ACTN4: variants seen among roughly 807,000 people sequenced by gnomAD.
The protein encoded by ACTN4 is alpha-actinin-4.
Under a neutral mutation model 114.2 loss-of-function variants are expected in ACTN4, and 18 were observed. The observed-to-expected ratio is 0.16, with a 90% CI of 0.11 to 0.23. The LOEUF (loss-of-function observed/expected upper bound fraction) is 0.23, where lower values mean the gene tolerates loss of function less well. Among genes scored for constraint, ACTN4 ranks in the 10% least tolerant of loss-of-function variants. ACTN4 has a pLI of 1.00. For missense variants in ACTN4, 722 were observed against 1,262.9 expected, an observed-to-expected ratio of 0.57 and a Z score of 6.49; for synonymous variants, 515 against 506.3, an observed-to-expected ratio of 1.02 and a Z score of -0.23.
intron 6 of ACTN4, among the ~76,000 whole-genome samples, chr19:38,708,428 A>G (rs1968532629): frequency 6.6e-6 from 1 of 152,104 alleles, no homozygotes; most frequent in African/African-American, 2.4e-5. Context: ...ATGGCACTGC[A>G]ACCAACCCGG....
In ACTN4 at chr19:38,721,702, C is replaced by T. The variant is rs373297667; in HGVS notation, c.1442+14C>T. 67 of 1,611,014 alleles carry T rather than the reference C, an allele frequency of 4.2e-5. No individual in the cohort carries two copies. The highest frequency in any genetic ancestry group is 5.0e-5 in the Non-Finnish European group (59 of 1,179,998). ...CCAGGAGCTCAAGTACGTGCGGGCT[C>T]AGGACACTATCATCACCTGGCTCTC... On this transcript the variant is annotated intron_variant, in intron 12 of 20. Coordinates refer to ENST00000252699, the MANE Select transcript of ACTN4 (RefSeq NM_004924.6).
chr19:38,666,837 C>T (rs1767031518), intron 1 of ACTN4, among the ~76,000 whole-genome samples: 1 of 152,152 alleles, frequency 6.6e-6, no homozygotes, highest in Admixed American at 6.5e-5. Context: ...GAGGAACAAG[C>T]CCCTCGGTGC....
chr19:38,731,002 T>G lies in ACTN4; in HGVS notation c.*1570T>G. ...CAGGCAGATGACCCCCTCACCCCCATCCAGGTGCTGGCTGCAGTGGCCTGT... is the reference window on the plus strand; with the variant it reads ...CAGGCAGATGACCCCCTCACCCCCAGCCAGGTGCTGGCTGCAGTGGCCTGT... On this transcript the variant is annotated 3_prime_UTR_variant, in exon 21 of 21. Coordinates refer to ENST00000252699, the MANE Select transcript of ACTN4 (RefSeq NM_004924.6). 16 of 1,552,140 alleles carry G rather than the reference T, an allele frequency of 1.0e-5. No homozygotes were observed. The highest frequency in any genetic ancestry group is 1.4e-5 in the African/African-American group (1 of 73,246).
At chr19:38,681,119 C>G (rs545150709) in intron 1 of ACTN4, among the ~76,000 whole-genome samples, 3 of 121,856 alleles carry the variant, frequency 2.5e-5, no homozygotes, top group Middle Eastern at 4.8e-3. Context: ...GAGTGAGACT[C>G]CAATCTCTAG....
chr19:38,671,773 A>G (rs1258715832), intron 1 of ACTN4, among the ~76,000 whole-genome samples: 3 of 152,028 alleles, frequency 2.0e-5, no homozygotes, highest in Non-Finnish European at 2.9e-5. Context: ...CATTTGGAGC[A>G]GGCAGTCTGT....
Position 38,717,724 on chromosome 19 carries a change from G to A in ACTN4, c.1144-203G>A, listed in dbSNP as rs750099000. On this transcript the variant is annotated intron_variant, in intron 10 of 20. Coordinates refer to ENST00000252699, the MANE Select transcript of ACTN4 (RefSeq NM_004924.6). The surrounding 1 kb of genome is among the most constrained non-coding windows in gnomAD (Gnocchi z 4.0). ...TTCATTCATGCACTCACCCGTTCAC[G>A]CATTCATTTTGTTAATCCAGAATTG... Among the ~76,000 whole-genome samples the A allele has an allele frequency of 1.3e-5, 2 of 152,164 alleles. No homozygotes were observed. The highest frequency in any genetic ancestry group is 2.4e-5 in the African/African-American group (1 of 41,428).
intron 1 of ACTN4, among the ~76,000 whole-genome samples, chr19:38,692,681 G>T (rs1368313441): frequency 1.3e-5 from 2 of 152,208 alleles, no homozygotes; most frequent in Non-Finnish European, 2.9e-5. Context: ...GCTAGGCCTT[G>T]CCTGAGGTCT....
chr19:38,691,654 G>A (rs1329128328), intron 1 of ACTN4, among the ~76,000 whole-genome samples: 1 of 152,128 alleles, frequency 6.6e-6, no homozygotes, highest in African/African-American at 2.4e-5. Context: ...TGTAATCCCA[G>A]CACTTTGGGA....
intron 1 of ACTN4, among the ~76,000 whole-genome samples, chr19:38,691,074 TGAACAAA>T (rs1461575015): frequency 6.6e-6 from 1 of 152,180 alleles, no homozygotes; most frequent in Non-Finnish European, 1.5e-5. Flanking sequence ...AGACTGGTTA[TGAACAAA>T]GAACATAGTT....
intron 1 of ACTN4, among the ~76,000 whole-genome samples, chr19:38,686,789 T>G (rs938826518): frequency 8.5e-5 from 13 of 152,080 alleles, no homozygotes; most frequent in African/African-American, 3.1e-4. Flanking sequence ...TTGGGTTGGT[T>G]GGTTGGTTGG....
chr19:38,726,035 G>C (rs1969221632), intron 17 of ACTN4, 132 bp downstream of exon 17: 2 of 1,295,634 alleles, frequency 1.5e-6, no homozygotes, highest in Non-Finnish European at 2.1e-6. Context: ...TTATTGAAGA[G>C]ACCAGCACTT....
rs949616203 is a variant in ACTN4 at position 38,729,880 on chromosome 19, A to G, written c.*448A>G. 9 of 358,302 alleles carry G rather than the reference A, an allele frequency of 2.5e-5. No homozygotes were observed. Among genetic ancestry groups the G allele is most frequent in the African/African-American group, 1.7e-4 (8 of 46,728 alleles). The allele number at this position is 358,302 out of a possible 1,614,324, so 22.2% of individuals were successfully genotyped here. A position where few individuals can be genotyped will look rare whatever the true frequency, so the allele number is the denominator to read the frequency against. ...ATGCGAGGGGCCAGCAGAGGGCGCCACCACCACCTGACGGCTGGGGACCCA... is the reference window on the plus strand; with the variant it reads ...ATGCGAGGGGCCAGCAGAGGGCGCCGCCACCACCTGACGGCTGGGGACCCA... On this transcript the variant is annotated 3_prime_UTR_variant, in exon 21 of 21. Coordinates refer to ENST00000252699, the MANE Select transcript of ACTN4 (RefSeq NM_004924.6).
In ACTN4 at chr19:38,708,756, C is replaced by T. The variant is rs934735038; in HGVS notation, c.651+561C>T. Among the ~76,000 whole-genome samples the T allele has an allele frequency of 9.2e-5, 14 of 152,292 alleles. 1 individual carries two copies. The highest frequency in any genetic ancestry group is 1.8e-4 in the Non-Finnish European group (12 of 68,020). ...AGGGCATGGGGTCAGATCAGTGCTGCGGAGGAGGCTAGTGTACCCCGAGCG... is the reference window on the plus strand; with the variant it reads ...AGGGCATGGGGTCAGATCAGTGCTGTGGAGGAGGCTAGTGTACCCCGAGCG... On this transcript the variant is annotated intron_variant, in intron 6 of 20. Transcript: ENST00000252699.
chr19:38,653,224 G>A (rs1976620776), intron 1 of ACTN4, among the ~76,000 whole-genome samples: 1 of 152,132 alleles, frequency 6.6e-6, no homozygotes, highest in Admixed American at 6.5e-5. Flanking sequence ...CTTTTTCAGA[G>A]TGAACTGAGT....
At position 38,708,186 on chromosome 19, in the gene ACTN4, G is replaced by T; in HGVS notation, c.642G>T (p.Lys214Asn). 2 of 1,614,202 alleles carry T rather than the reference G, an allele frequency of 1.2e-6. No homozygotes were observed. Among genetic ancestry groups the T allele is most frequent in the Non-Finnish European group, 1.7e-6 (2 of 1,180,042 alleles). The change falls in exon 6 of 21, where the codon AAG becomes AAT. Residue 214 changes from lysine to asparagine, a missense_variant. By Grantham distance (94) the Lys-to-Asn change is moderately conservative (BLOSUM62 0). This residue lies in a region of ACTN4 where 127 missense variants were observed against 311.3 expected (regional missense o/e 0.41). Transcript: ENST00000252699. ...GACCAGAGCTGATTGAGTATGACAA[G>T]CTGAGGAAGGTGAGTGTCTCCAGCT... The part of the protein sequence containing the change: ...RHRPELIEYD[K>N]LRKDDPVTNL...
At chr19:38,673,942 C>T (rs1333642939) in intron 1 of ACTN4, among the ~76,000 whole-genome samples, 7 of 150,434 alleles carry the variant, frequency 4.7e-5, no homozygotes, top group African/African-American at 1.2e-4. Flanking sequence ...CCACCACGTC[C>T]GGCTAATTTT....
chr19:38,727,814 C>G lies in ACTN4; in HGVS notation c.2338-132C>G. 2 of 824,902 alleles carry G rather than the reference C, an allele frequency of 2.4e-6. No individual in the cohort carries two copies. The highest frequency in any genetic ancestry group is 3.1e-5 in the South Asian group (2 of 63,574). 51.1% of individuals were successfully genotyped at this position (824,902 alleles called of 1,614,324 possible). A position where few individuals can be genotyped will look rare whatever the true frequency, so the allele number is the denominator to read the frequency against. ...ACGTGTCCCTGGCCATCTCCTTGTC[C>G]ATGTTGCCTCTAACTCTGTGTTTCC... On this transcript the variant is annotated intron_variant, in intron 18 of 20. Transcript: ENST00000252699. The surrounding 1 kb of genome is among the most constrained non-coding windows in gnomAD (Gnocchi z 5.4).
At position 38,724,986 on chromosome 19, in the gene ACTN4, C is replaced by A. The variant is rs1322479714; in HGVS notation, c.2010+421C>A. Reference sequence around the variant, plus strand: ...GCTACCTATGGGAGGTGGGTTTGATCCCTGAATGCCCTGGTCTGATGATTG... The same window carrying A: ...GCTACCTATGGGAGGTGGGTTTGATACCTGAATGCCCTGGTCTGATGATTG... On this transcript the variant is annotated intron_variant, in intron 16 of 20. Transcript: ENST00000252699. The surrounding 1 kb of genome is among the most constrained non-coding windows in gnomAD (Gnocchi z 7.0). 1.3e-5 allele frequency among the ~76,000 whole-genome samples: 2 copies of A among 152,320 alleles called. No homozygotes were observed. Among genetic ancestry groups the A allele is most frequent in the East Asian group, 3.9e-4 (2 of 5,182 alleles).
chr19:38,683,878 G>A (rs1967655155), intron 1 of ACTN4: 1 of 152,336 alleles, frequency 6.6e-6, no homozygotes, highest in Non-Finnish European at 1.5e-5. Context: ...CTCACCCAGT[G>A]GCTCAGCATG....
Sources: gnomAD v4.1 joint callset for allele counts (sites outside exome capture counted in the v4.1 genomes callset) on GRCh38, gnomAD v4.1.1 for gene constraint, gnomAD v4.1.1 regional missense constraint, Gnocchi (gnomAD v3.1) non-coding constraint, MANE v1.5 for transcripts, NCBI Gene and HGNC (gene_info 2026-07-23, HGNC 2026-07-21) for gene names.